Variants in KTN1 observed in about 807,000 individuals in gnomAD.
KTN1 encodes the protein kinectin 1.
In KTN1, 130 loss-of-function variants were observed where a neutral mutation model predicts 222.5. The observed-to-expected ratio is 0.58, with a 90% CI of 0.51 to 0.68. The LOEUF (loss-of-function observed/expected upper bound fraction) is 0.68. KTN1 is among the 30% of genes least tolerant of loss of function. The pLI is 0.00. For synonymous variants in KTN1, 512 were observed against 496.3 expected, an observed-to-expected ratio of 1.03 and a Z score of -0.42; for missense variants, 1,508 against 1,500.4, an observed-to-expected ratio of 1.01 and a Z score of -0.08.
At chr14:55,603,765 T>TA (rs899063663) in intron 1 of KTN1, among the ~76,000 whole-genome samples, 2 of 152,204 alleles carry the variant, frequency 1.3e-5, no homozygotes, top group Non-Finnish European at 2.9e-5. Flanking sequence ...CATCTCCACT[T>TA]ACCTAAAACC....
At chr14:55,650,907 A>C (rs2042871687) in intron 24 of KTN1, among the ~76,000 whole-genome samples, 1 of 152,150 alleles carries the variant, frequency 6.6e-6, no homozygotes, top group South Asian at 2.1e-4. Context: ...ATGAAACACG[A>C]AACAGTTTGG....
chr14:55,637,680 A>AT, intron 11 of KTN1, 99 bp from the exon 12 acceptor site: 1 of 841,148 alleles, frequency 1.2e-6, no homozygotes, highest in Non-Finnish European at 1.8e-6. Context: ...AAAAAAAAAA[A>AT]GAAAAAGATA....
At chr14:55,631,530 C>T (rs2040538443) in intron 7 of KTN1, among the ~76,000 whole-genome samples, 1 of 151,894 alleles carries the variant, frequency 6.6e-6, no homozygotes, top group Non-Finnish European at 1.5e-5. Flanking sequence ...TGCCGTGGCT[C>T]ATGTCTGTAA....
intron 5 of KTN1, among the ~76,000 whole-genome samples, chr14:55,622,188 C>T (rs551485078): frequency 6.6e-6 from 1 of 152,202 alleles, no homozygotes; most frequent in South Asian, 2.1e-4. Context: ...CTTGGCTAAA[C>T]TGTACCGTGC....
Position 55,602,585 on chromosome 14 carries a change from C to CTT in KTN1, c.-30-9421_-30-9420dup, listed in dbSNP as rs565184612. On this transcript the variant is annotated intron_variant, in intron 1 of 43. Transcript: ENST00000395314. ...TGTTTTATAAGACCTTCAACACTGTCTTTTTTTTTTTTTTGAGAGAGGGTC... is the reference window on the plus strand; with the variant it reads ...TGTTTTATAAGACCTTCAACACTGTCTTTTTTTTTTTTTTTTGAGAGAGGGTC... Among the ~76,000 whole-genome samples, 703 of 144,562 alleles carry CTT rather than the reference C, an allele frequency of 4.9e-3. 9 individuals are homozygous for CTT. The highest frequency in any genetic ancestry group is 0.017 in the African/African-American group (665 of 39,578). The allele number at this position is 144,562 out of a possible 152,430, so 94.8% of individuals were successfully genotyped here.
At position 55,640,915 on chromosome 14, in the gene KTN1, T is replaced by C. The variant is rs1472544821; in HGVS notation, c.1984-18T>C. On this transcript the variant is annotated intron_variant, in intron 15 of 43. Transcript: ENST00000395314. ...CTTCCTGTGAAGTGATATCATTTTC[T>C]TCTCATTCCACACACAGGCTGCTGC... 3.1e-6 allele frequency: 5 copies of C among 1,609,382 alleles called. No homozygotes were observed. The East Asian group carries it at 1.1e-4, about 36-fold the overall frequency.
chr14:55,669,434 A>G (rs1415632035), intron 34 of KTN1, among the ~76,000 whole-genome samples: 7 of 152,056 alleles, frequency 4.6e-5, no homozygotes, highest in Non-Finnish European at 7.4e-5. Context: ...TTAGGTTTGT[A>G]AAGATTTGAA....
chr14:55,610,497 A>G (rs2037383644), intron 1 of KTN1, among the ~76,000 whole-genome samples: 1 of 152,232 alleles, frequency 6.6e-6, no homozygotes. Context: ...AATTCTTAGA[A>G]TAAGTTACCC....
chr14:55,654,219 C>G (rs1050569854), intron 28 of KTN1, among the ~76,000 whole-genome samples: 2 of 152,098 alleles, frequency 1.3e-5, no homozygotes, highest in African/African-American at 2.4e-5. Flanking sequence ...TTTTGGCCCC[C>G]TTTAAAATTG....
At chr14:55,635,790 A>T (rs1257884857) in intron 9 of KTN1, among the ~76,000 whole-genome samples, 1 of 152,212 alleles carries the variant, frequency 6.6e-6, no homozygotes. Flanking sequence ...TAGGTCATTG[A>T]TAGAATTGTA....
chr14:55,606,335 CTGTT>C (rs1354304719), intron 1 of KTN1, among the ~76,000 whole-genome samples: 1 of 151,774 alleles, frequency 6.6e-6, no homozygotes, highest in Non-Finnish European at 1.5e-5. Flanking sequence ...CCTCAACTTA[CTGTT>C]TTTGTTTTTT....
intron 1 of KTN1, among the ~76,000 whole-genome samples, chr14:55,585,522 C>T (rs2032806992): frequency 6.6e-6 from 1 of 151,984 alleles, no homozygotes; most frequent in Admixed American, 6.5e-5. Context: ...ACTCTAAAAG[C>T]ATTATCTATG....
Position 55,618,135 on chromosome 14 carries a change from G to A in KTN1, c.832+1G>A, listed in dbSNP as rs1422192501. The A allele has an allele frequency of 6.2e-7, 1 of 1,606,210 alleles. No individual in the cohort carries two copies. The highest frequency in any genetic ancestry group is 8.5e-7 in the Non-Finnish European group (1 of 1,175,802). On this transcript the variant is annotated splice_donor_variant, in intron 4 of 43. Transcript: ENST00000395314. LOFTEE classifies it high-confidence loss of function. ...AAACTGAAGACCGAAACTGACAAAG[G>A]TAATATATGGGATTTATAGTCTTTG...
chr14:55,647,452 T>C (rs942007892), intron 19 of KTN1, among the ~76,000 whole-genome samples: 2 of 150,072 alleles, frequency 1.3e-5, no homozygotes, highest in Non-Finnish European at 3.0e-5. Context: ...CTGGCCAACA[T>C]GGCAAACCCT....
chr14:55,668,142 TA>T (rs1410255673), intron 34 of KTN1: 1 of 152,136 alleles, frequency 6.6e-6, no homozygotes, highest in Non-Finnish European at 1.5e-5. Flanking sequence ...CATTTCTTTT[TA>T]AAAAGTGTGA....
At chr14:55,601,353 T>C (rs1375117820) in intron 1 of KTN1, among the ~76,000 whole-genome samples, 2 of 152,210 alleles carry the variant, frequency 1.3e-5, no homozygotes, top group Non-Finnish European at 2.9e-5. Context: ...TTAGAAAAGA[T>C]ACTGTAAATG....
chr14:55,605,568 C>G (rs1204787860), intron 1 of KTN1, among the ~76,000 whole-genome samples: 4 of 152,134 alleles, frequency 2.6e-5, no homozygotes, highest in Non-Finnish European at 5.9e-5. Context: ...TATCCAAGAT[C>G]ATGCAAGTAG....
intron 18 of KTN1, among the ~76,000 whole-genome samples, chr14:55,646,452 CCTTTTCCTTTT>C (rs1566787876): frequency 1.4e-5 from 1 of 72,622 alleles, no homozygotes; most frequent in African/African-American, 4.9e-5. Context: ...TTTTCCTTTT[CCTTTTCCTTTT>C]CCTTTCCTTT....
At chr14:55,605,174 C>G (rs2036553082) in intron 1 of KTN1, among the ~76,000 whole-genome samples, 1 of 152,178 alleles carries the variant, frequency 6.6e-6, no homozygotes, top group South Asian at 2.1e-4. Flanking sequence ...CCAAGTATTT[C>G]TGTGTTGAAA....
Sources: allele counts gnomAD v4.1 joint callset (sites outside exome capture counted in the v4.1 genomes callset), GRCh38; gene constraint gnomAD v4.1.1; transcripts MANE v1.5; gene names NCBI Gene and HGNC (gene_info 2026-07-23, HGNC 2026-07-21).